The following STK33 variants were observed in gnomAD, a reference collection of about 807,000 sequenced individuals.
STK33 encodes serine/threonine-protein kinase 33.
STK33 carries 52 observed loss-of-function variants against 58.0 expected under a neutral mutation model. That is an observed-to-expected ratio of 0.90 (90% CI 0.72 to 1.13). The LOEUF (loss-of-function observed/expected upper bound fraction) is 1.13. Among genes scored for constraint, STK33 ranks in the 50% most tolerant of loss-of-function variants. STK33 has a pLI of 0.00. For missense variants in STK33, 630 were observed against 604.2 expected, an observed-to-expected ratio of 1.04 and a Z score of -0.45; for synonymous variants, 215 against 200.1, an observed-to-expected ratio of 1.07 and a Z score of -0.63.
chr11:8,562,536 T>C (rs926776932), intron 1 of STK33, among the ~76,000 whole-genome samples: 2 of 152,228 alleles, frequency 1.3e-5, no homozygotes, highest in Non-Finnish European at 2.9e-5. Flanking sequence ...AGCATCCCCT[T>C]TGATTTCATC....
intron 1 of STK33, among the ~76,000 whole-genome samples, chr11:8,514,467 A>G (rs946081959): frequency 2.0e-5 from 3 of 152,206 alleles, no homozygotes; most frequent in African/African-American, 4.8e-5. Flanking sequence ...ATGCTTGCCA[A>G]TTCCTGAGGA....
At chr11:8,361,700 AC>A in the STK33 span, among the ~76,000 whole-genome samples, 15 of 152,140 alleles carry the variant, frequency 9.9e-5, no homozygotes, top group African/African-American at 3.6e-4. The surrounding 1 kb of genome is among the most constrained non-coding windows in gnomAD (Gnocchi z 4.8). Context: ...CCAGCTGCTC[AC>A]CTTGGGCTCT....
intron 14 of STK33, among the ~76,000 whole-genome samples, chr11:8,428,148 A>G (rs868254432): frequency 6.6e-6 from 1 of 152,228 alleles, no homozygotes; most frequent in Non-Finnish European, 1.5e-5. Context: ...AAGTACACCA[A>G]AAGTATCAGC....
At chr11:8,501,652 A>G (rs1258770264) in intron 1 of STK33, among the ~76,000 whole-genome samples, 4 of 152,186 alleles carry the variant, frequency 2.6e-5, no homozygotes, top group African/African-American at 9.6e-5. Flanking sequence ...CAAAAAGTAA[A>G]ACACATCTAC....
At chr11:8,405,585 T>C (rs1405326185) in intron 15 of STK33, among the ~76,000 whole-genome samples, 1 of 152,220 alleles carries the variant, frequency 6.6e-6, no homozygotes, top group Non-Finnish European at 1.5e-5. Flanking sequence ...ATTTTACCAG[T>C]TTTTAAAAGT....
At chr11:8,527,810 T>C (rs1308311836) in intron 1 of STK33, among the ~76,000 whole-genome samples, 1 of 152,154 alleles carries the variant, frequency 6.6e-6, no homozygotes, top group Non-Finnish European at 1.5e-5. Context: ...AAACAGCCCA[T>C]TTACCAAAAC....
chr11:8,563,130 A>C (rs1050487192), intron 1 of STK33, among the ~76,000 whole-genome samples: 8 of 152,128 alleles, frequency 5.3e-5, no homozygotes, highest in Non-Finnish European at 1.0e-4. Flanking sequence ...AAAAATGAGT[A>C]AGTACCCTGT....
At chr11:8,552,171 A>C (rs1435879382) in intron 1 of STK33, among the ~76,000 whole-genome samples, 1 of 152,194 alleles carries the variant, frequency 6.6e-6, no homozygotes, top group Non-Finnish European at 1.5e-5. Context: ...GGTCTAGAAA[A>C]ATTCTCTGTG....
intron 1 of STK33, among the ~76,000 whole-genome samples, chr11:8,526,754 AAC>A (rs1009878466): frequency 5.3e-5 from 8 of 151,386 alleles, no homozygotes; most frequent in African/African-American, 1.7e-4. Context: ...ATACACTAAA[AAC>A]ACACACACAC....
chr11:8,350,508 T>C, the STK33 span, among the ~76,000 whole-genome samples: 9 of 152,000 alleles, frequency 5.9e-5, no homozygotes, highest in African/African-American at 1.7e-4. Context: ...GCTCAGGGGG[T>C]GACAGCTCAC....
intron 1 of STK33, among the ~76,000 whole-genome samples, chr11:8,495,642 C>T (rs1044507878): frequency 2.0e-5 from 3 of 152,198 alleles, no homozygotes; most frequent in East Asian, 1.9e-4. Context: ...TAAAGAGACA[C>T]GCACATGTAT....
At chr11:8,471,794 G>T (rs920451078) in intron 6 of STK33, among the ~76,000 whole-genome samples, 1 of 152,000 alleles carries the variant, frequency 6.6e-6, no homozygotes, top group African/African-American at 2.4e-5. Flanking sequence ...TAGAAAAAGT[G>T]AAGTTAATAA....
intron 11 of STK33, among the ~76,000 whole-genome samples, chr11:8,451,523 G>A (rs866846451): frequency 1.3e-5 from 2 of 152,136 alleles, no homozygotes; most frequent in Middle Eastern, 3.4e-3. Flanking sequence ...TATGAAATGT[G>A]CAGAAAAGAA....
chr11:8,420,375 C>CT (rs1031665629), intron 14 of STK33, among the ~76,000 whole-genome samples: 28 of 152,034 alleles, frequency 1.8e-4, no homozygotes, highest in African/African-American at 6.0e-4. Flanking sequence ...GTAGATAAGG[C>CT]TTTTTTATTA....
intron 14 of STK33, among the ~76,000 whole-genome samples, chr11:8,418,699 C>T (rs1941479368): frequency 6.6e-6 from 1 of 152,134 alleles, no homozygotes; most frequent in African/African-American, 2.4e-5. Context: ...TAATAATTTA[C>T]ACTCCACGCA....
chr11:8,459,530 T>C (rs1390484903), intron 8 of STK33, among the ~76,000 whole-genome samples: 1 of 152,078 alleles, frequency 6.6e-6, no homozygotes, highest in Non-Finnish European at 1.5e-5. Flanking sequence ...GGGCAAAATA[T>C]ATAAAACAAT....
chr11:8,487,421 CAAAA>C (rs35061686), intron 1 of STK33, among the ~76,000 whole-genome samples: 8 of 103,014 alleles, frequency 7.8e-5, no homozygotes, highest in East Asian at 2.7e-4. Context: ...GACCCAGTCT[CAAAA>C]AAAAAAAAAA....
chr11:8,462,470 C>CAT (rs1473021688), intron 7 of STK33, among the ~76,000 whole-genome samples: 1 of 143,352 alleles, frequency 7.0e-6, no homozygotes, highest in Non-Finnish European at 1.5e-5. Flanking sequence ...CACACACACA[C>CAT]ACATATATAT....
chr11:8,571,758 G>T (rs548972961), intron 1 of STK33, among the ~76,000 whole-genome samples: 1 of 151,180 alleles, frequency 6.6e-6, no homozygotes, highest in Non-Finnish European at 1.5e-5. Context: ...GTGTGAACCC[G>T]GGAGGCGGAG....
Sources: allele counts gnomAD v4.1 joint callset (sites outside exome capture counted in the v4.1 genomes callset), GRCh38; gene constraint gnomAD v4.1.1; non-coding constraint Gnocchi (gnomAD v3.1); transcripts MANE v1.5; gene names NCBI Gene and HGNC (gene_info 2026-07-23, HGNC 2026-07-21).